Variants in CFAP20DC observed in about 807,000 individuals in gnomAD.
The protein encoded by CFAP20DC is protein CFAP20DC.
A neutral mutation model predicts 101.7 loss-of-function variants in CFAP20DC; 84 were observed. The observed-to-expected ratio is 0.83, with a 90% confidence interval of 0.69 to 0.99. CFAP20DC has a LOEUF of 0.99. Ranked by LOEUF, CFAP20DC falls within the 50% of genes least tolerant of loss-of-function variation. CFAP20DC has a pLI of 0.00. For missense variants in CFAP20DC, 1,007 were observed against 970.3 expected (o/e 1.04, Z -0.50); for synonymous variants, 359 against 351.2 (o/e 1.02, Z -0.25).
At chr3:58,762,062 G>A (rs1016767599) in intron 15 of CFAP20DC, among the ~76,000 whole-genome samples, 2 of 152,174 alleles carry the variant, frequency 1.3e-5, no homozygotes, top group African/African-American at 4.8e-5. Flanking sequence ...TCTGCTTGGT[G>A]CAGAGCTGAG....
intron 3 of CFAP20DC, chr3:58,725,852 TG>T: frequency 5.0e-6 from 1 of 199,342 alleles, no homozygotes; most frequent in South Asian, 1.1e-4. Context: ...TGGATCCATC[TG>T]GTTTTTATTT....
At chr3:59,047,044 A>G in intron 2 of CFAP20DC, 121 bp downstream of exon 2, 1 of 658,656 alleles carries the variant, frequency 1.5e-6, no homozygotes, top group East Asian at 2.7e-5. Flanking sequence ...CAATGTCATG[A>G]AAGGGTTTTG....
chr3:58,980,786 A>G (rs1322981520), intron 4 of CFAP20DC, among the ~76,000 whole-genome samples: 1 of 152,236 alleles, frequency 6.6e-6, no homozygotes, highest in Non-Finnish European at 1.5e-5. Context: ...TTACCTTTGA[A>G]AACTGGCACA....
chr3:58,808,827 A>G lies in CFAP20DC; in HGVS notation c.2176-2371T>C, dbSNP rs370173571. On this transcript the variant is annotated intron_variant, in intron 14 of 16. Coordinates refer to ENST00000482387, the MANE Select transcript of CFAP20DC (RefSeq NM_001394063.1). ...GCTGTATTCAGGAAACCCATCTCAC[A>G]TGCAGAGACACACATAGGCTCAAAA... Among the ~76,000 whole-genome samples, 157 of 152,262 alleles carry G rather than the reference A, an allele frequency of 1.0e-3. 1 individual carries two copies. The East Asian group carries it at 0.023, about 22-fold the overall frequency.
chr3:58,923,912 G>A (rs1173862417), intron 5 of CFAP20DC, among the ~76,000 whole-genome samples: 1 of 152,026 alleles, frequency 6.6e-6, no homozygotes, highest in East Asian at 1.9e-4. Flanking sequence ...GTCAGACTCT[G>A]CTCATTTTGT....
At chr3:58,794,358 G>C (rs1220640361) in intron 15 of CFAP20DC, 2 of 455,842 alleles carry the variant, frequency 4.4e-6, no homozygotes, top group African/African-American at 4.0e-5. Context: ...ACAAGAAAGA[G>C]TCAACAGAAC....
intron 6 of CFAP20DC, among the ~76,000 whole-genome samples, chr3:58,906,832 G>A (rs958149019): frequency 1.3e-5 from 2 of 152,146 alleles, no homozygotes; most frequent in Non-Finnish European, 2.9e-5. Flanking sequence ...GGAGGCTGAG[G>A]CAGGAGGATA....
chr3:58,813,489 G>T lies in CFAP20DC; in HGVS notation c.2176-7033C>A, dbSNP rs143574393. Reference sequence around the variant, plus strand: ...AGCTTTAGCTACTTCCAAACCCAGTGGGGTTGGTGTTAAGGGTTTCTCACC... The same window carrying T: ...AGCTTTAGCTACTTCCAAACCCAGTTGGGTTGGTGTTAAGGGTTTCTCACC... On this transcript the variant is annotated intron_variant, in intron 14 of 16. Transcript: ENST00000482387. 8.4e-4 allele frequency among the ~76,000 whole-genome samples: 128 copies of T among 152,012 alleles called. 4 individuals are homozygous for T. The highest frequency in any genetic ancestry group is 3.0e-3 in the African/African-American group (122 of 41,310).
rs1384885958 is a variant in CFAP20DC at position 59,006,485 on chromosome 3, G to A, written c.278+33072C>T. Among the ~76,000 whole-genome samples, 1 of 152,216 alleles carries A rather than the reference G, an allele frequency of 6.6e-6. No homozygotes were observed. The highest frequency in any genetic ancestry group is 1.5e-5 in the Non-Finnish European group (1 of 68,032). On this transcript the variant is annotated intron_variant, in intron 4 of 16. Coordinates refer to ENST00000482387, the MANE Select transcript of CFAP20DC (RefSeq NM_001394063.1). This position sits in a 1 kb window ranked among gnomAD's most constrained non-coding sequence, Gnocchi z 4.3. Reference sequence around the variant, plus strand: ...CTGCGAGACAGGCAAAAAACTGTGAGTTCCCAAAGTGTGAGGTGGGGAATC... The same window carrying A: ...CTGCGAGACAGGCAAAAAACTGTGAATTCCCAAAGTGTGAGGTGGGGAATC...
At chr3:58,796,952 T>C (rs2073299852) in intron 15 of CFAP20DC, among the ~76,000 whole-genome samples, 1 of 152,238 alleles carries the variant, frequency 6.6e-6, no homozygotes, top group South Asian at 2.1e-4. Context: ...CCATATAAGA[T>C]GGCAAATTTA....
At chr3:58,747,204 A>G (rs2068265567) in intron 16 of CFAP20DC, among the ~76,000 whole-genome samples, 1 of 152,204 alleles carries the variant, frequency 6.6e-6, no homozygotes, top group African/African-American at 2.4e-5. Context: ...AAATAAAATT[A>G]CCTTTCAGAT....
At chr3:59,039,465 C>A (rs2094159242) in intron 4 of CFAP20DC, 92 bp downstream of exon 4, 1 of 716,582 alleles carries the variant, frequency 1.4e-6, no homozygotes, top group African/African-American at 1.9e-5. Flanking sequence ...AATGCAAAAA[C>A]TGTCACTTGC....
At position 59,005,235 on chromosome 3, in the gene CFAP20DC, C is replaced by T. The variant is rs568188348; in HGVS notation, c.278+34322G>A. The stretch of plus-strand genomic sequence containing the variant: ...GCTTCTGTTTTCCTTGGCCTCAGCT[C>T]TAGAATGAAAACATGTGGAGCAGAC... On this transcript the variant is annotated intron_variant, in intron 4 of 16. Transcript: ENST00000482387. Among the ~76,000 whole-genome samples the T allele has an allele frequency of 3.3e-5, 5 of 152,204 alleles. No homozygotes were observed. In the East Asian group the frequency reaches 9.6e-4, roughly 29 times the overall value.
intron 4 of CFAP20DC, among the ~76,000 whole-genome samples, chr3:58,949,955 C>G (rs1385381419): frequency 6.6e-6 from 1 of 152,100 alleles, no homozygotes; most frequent in Non-Finnish European, 1.5e-5. Context: ...AAAGGGCATT[C>G]AATTAGGAAA....
intron 7 of CFAP20DC, among the ~76,000 whole-genome samples, chr3:58,878,750 G>A (rs1047251727): frequency 3.9e-5 from 6 of 152,018 alleles, no homozygotes; most frequent in Non-Finnish European, 5.9e-5. Context: ...GGTGGCTCAC[G>A]CCTGTAATCC....
intron 15 of CFAP20DC, among the ~76,000 whole-genome samples, chr3:58,798,090 T>A (rs1385954144): frequency 6.6e-6 from 1 of 151,896 alleles, no homozygotes; most frequent in Non-Finnish European, 1.5e-5. Flanking sequence ...ACGACATCTA[T>A]TCTGCAGCTC....
intron 15 of CFAP20DC, among the ~76,000 whole-genome samples, chr3:58,797,178 T>C (rs1177521421): frequency 6.6e-6 from 1 of 152,146 alleles, no homozygotes; most frequent in Non-Finnish European, 1.5e-5. Context: ...TTAAGCTTAG[T>C]GAGGAAAGCA....
intron 4 of CFAP20DC, among the ~76,000 whole-genome samples, chr3:59,012,095 G>C (rs1462925861): frequency 1.3e-5 from 2 of 152,144 alleles, no homozygotes; most frequent in Non-Finnish European, 2.9e-5. Flanking sequence ...AGACAGACCT[G>C]TAACTATAAA....
chr3:59,029,974 C>G (rs1014523318), intron 4 of CFAP20DC, among the ~76,000 whole-genome samples: 1 of 152,186 alleles, frequency 6.6e-6, no homozygotes, highest in East Asian at 1.9e-4. Flanking sequence ...CCAACTACCC[C>G]ATATGCATAA....
Sources: allele counts gnomAD v4.1 joint callset (sites outside exome capture counted in the v4.1 genomes callset), GRCh38; gene constraint gnomAD v4.1.1; non-coding constraint Gnocchi (gnomAD v3.1); transcripts MANE v1.5; gene names NCBI Gene and HGNC (gene_info 2026-07-23, HGNC 2026-07-21).